The following UACA variants were observed in gnomAD, a reference collection of about 807,000 sequenced individuals.
UACA encodes uveal autoantigen with coiled-coil domains and ankyrin repeats, also known as nuclear membrane binding protein.
Under a neutral mutation model 160.5 loss-of-function variants are expected in UACA, and 112 were observed. That is an observed-to-expected ratio of 0.70 (90% CI 0.60 to 0.82). The LOEUF (loss-of-function observed/expected upper bound fraction) is 0.82, where lower values mean the gene tolerates loss of function less well. Among genes scored for constraint, UACA ranks in the 40% least tolerant of loss-of-function variants. UACA has a pLI of 0.00. For missense variants in UACA, 1,574 were observed against 1,614.6 expected, an observed-to-expected ratio of 0.97 and a Z score of 0.43; for synonymous variants, 557 against 568.4, an observed-to-expected ratio of 0.98 and a Z score of 0.29.
upstream of UACA, among the ~76,000 whole-genome samples, chr15:70,764,822 C>G (rs781262746): frequency 2.0e-4 from 30 of 152,120 alleles, no homozygotes; most frequent in Admixed American, 1.3e-4. Context: ...TCATTTAGTT[C>G]TTGTTGGCTC....
intron 2 of UACA, among the ~76,000 whole-genome samples, chr15:70,697,496 G>T (rs569762846): frequency 5.9e-5 from 9 of 152,198 alleles, no homozygotes; most frequent in Non-Finnish European, 1.0e-4. Flanking sequence ...GATCCTTGTG[G>T]TAACTATGGC....
rs990837009 is a variant in UACA at position 70,668,727 on chromosome 15, T to C, written c.1957A>G (p.Met653Val). 11 of 1,613,788 alleles carry C rather than the reference T, an allele frequency of 6.8e-6. No homozygotes were observed. The highest frequency in any genetic ancestry group is 3.3e-5 in the Admixed American group (2 of 59,916). Reference protein sequence around the residue: ...VNEKAKKLVEMEREHEKSLSE... With the variant: ...VNEKAKKLVEVEREHEKSLSE... ...AGTGATTTTTCATGTTCTCTTTCCATTTCTACTAATTTTTTTGCTTTCTCA... is the reference window on the plus strand; with the variant it reads ...AGTGATTTTTCATGTTCTCTTTCCACTTCTACTAATTTTTTTGCTTTCTCA... Residue 653 changes from methionine to valine, a missense_variant, in exon 16 of 19, where the codon ATG (methionine) becomes GTG (valine). Met to Val is a conservative substitution (Grantham distance 21). Transcript: ENST00000322954.
rs1406100537 is a variant in UACA, at chr15:70,671,708, A to T, written c.1168+257T>A. Reference sequence around the variant, plus strand: ...AAATGTCTATGTCTACTAATCAACAAGGCAAATTTGGTAATTCATACAATA... The same window carrying T: ...AAATGTCTATGTCTACTAATCAACATGGCAAATTTGGTAATTCATACAATA... On this transcript the variant is annotated intron_variant, in intron 14 of 18. Coordinates refer to ENST00000322954, the MANE Select transcript of UACA (RefSeq NM_018003.4). The T allele has an allele frequency of 2.2e-5, 6 of 274,486 alleles. No individual in the cohort carries two copies. In the East Asian group the frequency reaches 3.7e-4, roughly 17 times the overall value. The allele number at this position is 274,486 out of a possible 1,614,324, so 17.0% of individuals were successfully genotyped here.
chr15:70,769,584 C>A, the UACA span, among the ~76,000 whole-genome samples: 6 of 151,308 alleles, frequency 4.0e-5, no homozygotes, highest in African/African-American at 1.2e-4. Context: ...ATAAAATTAT[C>A]AATAATATAT....
rs759716420 is a variant in UACA at position 70,667,851 on chromosome 15, T to C, written c.2833A>G (p.Ser945Gly). The change falls in exon 16 of 19, where the codon AGT becomes GGT. Residue 945 changes from serine (S) to glycine (G), a missense_variant. Coordinates refer to ENST00000322954, the MANE Select transcript of UACA (RefSeq NM_018003.4). The part of the protein sequence containing the change: ...LSQSMRKVQD[S>G]NAEILANYRK... ...TAGTTGGCCAAGATTTCAGCATTACTATCCTGCACCTTTCTCATGCTCTGA... is the reference window on the plus strand; with the variant it reads ...TAGTTGGCCAAGATTTCAGCATTACCATCCTGCACCTTTCTCATGCTCTGA... The C allele has an allele frequency of 1.9e-6, 3 of 1,613,964 alleles. No individual in the cohort carries two copies. Among genetic ancestry groups the C allele is most frequent in the African/African-American group, 1.3e-5 (1 of 74,946 alleles).
chr15:70,766,174 T>A (rs1446624094), upstream of UACA, among the ~76,000 whole-genome samples: 1 of 152,256 alleles, frequency 6.6e-6, no homozygotes, highest in Non-Finnish European at 1.5e-5. Context: ...TGATAGCTGA[T>A]GTCTGCTTAT....
Position 70,729,524 on chromosome 15 carries a change from C to T in UACA, c.79-29864G>A, listed in dbSNP as rs145094458. 7.7e-3 allele frequency among the ~76,000 whole-genome samples: 804 copies of T among 104,236 alleles called. 81 individuals are homozygous for T. Among genetic ancestry groups the T allele is most frequent in the Middle Eastern group, 0.027 (6 of 222 alleles). The allele number at this position is 104,236 out of a possible 152,430, so 68.4% of individuals were successfully genotyped here. Reference sequence around the variant, plus strand: ...ATAAAGATGGGAACAACCCTTCCGCCGCCTGTGAAGGGACCCACCGAGCTC... The same window carrying T: ...ATAAAGATGGGAACAACCCTTCCGCTGCCTGTGAAGGGACCCACCGAGCTC... On this transcript the variant is annotated intron_variant, in intron 1 of 18. Coordinates refer to ENST00000322954, the MANE Select transcript of UACA (RefSeq NM_018003.4).
At chr15:70,720,573 T>G (rs997381005) in intron 1 of UACA, among the ~76,000 whole-genome samples, 19 of 152,186 alleles carry the variant, frequency 1.2e-4, no homozygotes, top group African/African-American at 4.6e-4. Context: ...TTCATTGATC[T>G]CTGGATCAAG....
rs924540713 is a variant in UACA, at chr15:70,667,972, A to T, written c.2712T>A (p.Asn904Lys). ...TTTCCAGGTTTCTTTTTAATATTTC[A>T]TTCTTATCTTTTATTTTTACAAATT... ...NQEFVKIKDKNEILKRNLENT... is the reference protein window; with the variant it reads ...NQEFVKIKDKKEILKRNLENT... Residue 904 changes from asparagine (N) to lysine (K), a missense_variant, in exon 16 of 19, where the codon AAT (asparagine) becomes AAA (lysine). Asn to Lys is a moderately conservative substitution (Grantham distance 94, BLOSUM62 0). Coordinates refer to ENST00000322954, the MANE Select transcript of UACA (RefSeq NM_018003.4). 3 of 1,602,438 alleles carry T rather than the reference A, an allele frequency of 1.9e-6. No homozygotes were observed. In the African/African-American group the frequency reaches 4.1e-5, roughly 22 times the overall value.
chr15:70,772,365 C>T, the UACA span, among the ~76,000 whole-genome samples: 866 of 151,702 alleles, frequency 5.7e-3, 4 homozygotes, highest in Non-Finnish European at 9.9e-3. Flanking sequence ...TGGTGGTGGG[C>T]GCCAGTAGTC....
At chr15:70,697,911 G>A (rs1259738018) in intron 2 of UACA, among the ~76,000 whole-genome samples, 2 of 152,042 alleles carry the variant, frequency 1.3e-5, no homozygotes, top group East Asian at 3.9e-4. Flanking sequence ...TTAGCCAGGG[G>A]TGGTGGTGCA....
At chr15:70,716,475 A>G (rs1424218119) in intron 1 of UACA, among the ~76,000 whole-genome samples, 2 of 152,218 alleles carry the variant, frequency 1.3e-5, no homozygotes, top group African/African-American at 4.8e-5. Context: ...CACTAAATTT[A>G]AACCTAGGAC....
intron 10 of UACA, among the ~76,000 whole-genome samples, chr15:70,679,351 C>T (rs1331887005): frequency 6.6e-6 from 1 of 150,730 alleles, no homozygotes; most frequent in African/African-American, 2.4e-5. Context: ...TGCAGTGAGC[C>T]GAGATCATGC....
chr15:70,774,942 C>G, the UACA span, among the ~76,000 whole-genome samples: 1 of 152,010 alleles, frequency 6.6e-6, no homozygotes, highest in African/African-American at 2.4e-5. Context: ...GTAGTCCCAG[C>G]TACTGGTCGG....
chr15:70,765,833 G>C (rs865960650), upstream of UACA, among the ~76,000 whole-genome samples: 19 of 152,170 alleles, frequency 1.2e-4, no homozygotes, highest in South Asian at 6.2e-4. Flanking sequence ...CTGGGCTTAA[G>C]ATAAGCACCC....
In UACA at chr15:70,667,568, G is replaced by GT. The variant is rs763761269; in HGVS notation, c.3115dup (p.Thr1039AsnfsTer9). On this transcript the variant is annotated frameshift_variant, in exon 16 of 19. Transcript: ENST00000322954. LOFTEE classifies it high-confidence loss of function. Reference sequence around the variant, plus strand: ...CTTATCTCTCAAATCTTTCTGAAGGGTAAAAATCTCCTTCTTTAACTTGTC... The same window carrying GT: ...CTTATCTCTCAAATCTTTCTGAAGGGTTAAAAATCTCCTTCTTTAACTTGTC... 71 of 1,612,842 alleles carry GT rather than the reference G, an allele frequency of 4.4e-5. No individual in the cohort carries two copies. Among genetic ancestry groups the GT allele is most frequent in the Non-Finnish European group, 2.0e-5 (24 of 1,179,948 alleles).
intron 1 of UACA, among the ~76,000 whole-genome samples, chr15:70,744,248 CAAAAAAAAA>C (rs5813608): frequency 1.8e-3 from 118 of 64,734 alleles, no homozygotes; most frequent in African/African-American, 5.1e-3. Flanking sequence ...GACTCTGTCT[CAAAAAAAAA>C]AAAAAAAAAA....
At chr15:70,675,647 T>C (rs1415362521) in intron 13 of UACA, among the ~76,000 whole-genome samples, 1 of 152,254 alleles carries the variant, frequency 6.6e-6, no homozygotes, top group Non-Finnish European at 1.5e-5. Flanking sequence ...CTGACTTATC[T>C]CTTGCAACAC....
At chr15:70,728,760 C>T (rs1357146978) in intron 1 of UACA, among the ~76,000 whole-genome samples, 2 of 152,068 alleles carry the variant, frequency 1.3e-5, no homozygotes, top group African/African-American at 2.4e-5. Context: ...ACACAACCTA[C>T]AGAACAGGAG....
Sources: gnomAD v4.1 joint callset for allele counts (sites outside exome capture counted in the v4.1 genomes callset) on GRCh38, gnomAD v4.1.1 for gene constraint, MANE v1.5 for transcripts, NCBI Gene and HGNC (gene_info 2026-07-23, HGNC 2026-07-21) for gene names.